SCD5: variants seen among roughly 807,000 people sequenced by gnomAD.
SCD5 encodes stearoyl-CoA desaturase 5.
In SCD5, 20 loss-of-function variants were observed where a neutral mutation model predicts 30.4. The ratio of observed to expected loss-of-function variants is 0.66; its 90% confidence interval spans 0.46 to 0.96. The LOEUF (loss-of-function observed/expected upper bound fraction) is 0.96. SCD5 is among the 40% of genes least tolerant of loss of function. The pLI is 0.00. For missense variants in SCD5, 381 were observed against 443.3 expected (o/e 0.86, Z 1.26); for synonymous variants, 173 against 176.4 (o/e 0.98, Z 0.16).
At chr4:82,714,751 T>C (rs377176437) in intron 1 of SCD5, among the ~76,000 whole-genome samples, 1 of 152,188 alleles carries the variant, frequency 6.6e-6, no homozygotes, top group East Asian at 1.9e-4. Context: ...GAAATGCTCA[T>C]TGGAGCATTT....
chr4:82,651,756 A>T (rs1001518991), intron 3 of SCD5, among the ~76,000 whole-genome samples: 1 of 152,020 alleles, frequency 6.6e-6, no homozygotes, highest in Admixed American at 6.6e-5. Context: ...TCTACAAAAA[A>T]TACAAAATCA....
At chr4:82,778,035 C>T (rs1462928010) in intron 1 of SCD5, among the ~76,000 whole-genome samples, 1 of 151,908 alleles carries the variant, frequency 6.6e-6, no homozygotes, top group Admixed American at 6.6e-5. Context: ...TATTATGCAG[C>T]CATAAAAAGG....
chr4:82,687,185 AAAAAGAAAGAAAGAAAG>A (rs1158369812), intron 2 of SCD5, among the ~76,000 whole-genome samples: 12 of 135,434 alleles, frequency 8.9e-5, no homozygotes, highest in Non-Finnish European at 9.6e-5. Flanking sequence ...AAAAAAAAAA[AAAAAGAAAGAAAGAAAG>A]AAAAGAAAGA....
Position 82,783,308 on chromosome 4 carries a change from A to T in SCD5, c.232+14998T>A, listed in dbSNP as rs2148851967. Among the ~76,000 whole-genome samples the T allele has an allele frequency of 2.0e-5, 3 of 152,330 alleles. No homozygotes were observed. The Middle Eastern group carries it at 0.01, about 518-fold the overall frequency. On this transcript the variant is annotated intron_variant, in intron 1 of 4. Coordinates refer to ENST00000319540, the MANE Select transcript of SCD5 (RefSeq NM_001037582.3). ...AAAGTTTTCCATGGACAATGTAGCCAGAATGACCTCTGCCAATACTTGATA... is the reference window on the plus strand; with the variant it reads ...AAAGTTTTCCATGGACAATGTAGCCTGAATGACCTCTGCCAATACTTGATA...
In SCD5 at chr4:82,798,502, A is replaced by C; in HGVS notation, c.36T>G (p.Pro12=). 6.2e-7 allele frequency: 1 copy of C among 1,608,940 alleles called. No homozygotes were observed. The highest frequency in any genetic ancestry group is 8.5e-7 in the Non-Finnish European group (1 of 1,178,004). The change falls in exon 1 of 5, where the codon CCT becomes CCG. Residue 12 remains proline (P), a synonymous_variant. Coordinates refer to ENST00000319540, the MANE Select transcript of SCD5 (RefSeq NM_001037582.3). ...GGATTTCTTCCTTGGCGTCGCAGAA[A>C]GGGATCTTCCCCGCGTCGGTGGCCG... ...PGPATDAGKI[P]FCDAKEEIRA...
At chr4:82,735,561 C>T (rs1442313024) in intron 1 of SCD5, among the ~76,000 whole-genome samples, 2 of 152,214 alleles carry the variant, frequency 1.3e-5, no homozygotes, top group Non-Finnish European at 2.9e-5. Context: ...CTCAAGGAGC[C>T]GCCACATTCG....
intron 1 of SCD5, among the ~76,000 whole-genome samples, chr4:82,792,619 G>A (rs1156636442): frequency 6.6e-6 from 1 of 152,194 alleles, no homozygotes; most frequent in Non-Finnish European, 1.5e-5. Flanking sequence ...TACTTGGGAG[G>A]CTGAGGTGGG....
chr4:82,730,276 T>TACATAA (rs145927310), intron 1 of SCD5, among the ~76,000 whole-genome samples: 52,029 of 146,556 alleles, frequency 0.36, 9,541 homozygotes, highest in East Asian at 0.42. Flanking sequence ...TATATATAGT[T>TACATAA]ATATATACTA....
At chr4:82,734,920 A>G (rs1208217549) in intron 1 of SCD5, among the ~76,000 whole-genome samples, 2 of 151,938 alleles carry the variant, frequency 1.3e-5, no homozygotes, top group African/African-American at 4.8e-5. Flanking sequence ...GTGTGCCACC[A>G]TGCCCAGCTA....
At chr4:82,724,316 C>T (rs551728304) in intron 1 of SCD5, among the ~76,000 whole-genome samples, 176 of 152,256 alleles carry the variant, frequency 1.2e-3, no homozygotes, top group Non-Finnish European at 2.0e-3. Flanking sequence ...TGAGAAAGTA[C>T]GGGCTAAACC....
intron 1 of SCD5, among the ~76,000 whole-genome samples, chr4:82,798,019 C>G (rs537393909): frequency 1.3e-5 from 2 of 151,620 alleles, no homozygotes; most frequent in South Asian, 2.1e-4. Flanking sequence ...GACTCCGGGT[C>G]CCCCCCGGCT....
intron 1 of SCD5, among the ~76,000 whole-genome samples, chr4:82,727,839 C>T (rs1720540149): frequency 6.6e-6 from 1 of 152,206 alleles, no homozygotes; most frequent in African/African-American, 2.4e-5. Context: ...TACCGAGTAG[C>T]TGGGATTACA....
chr4:82,697,178 TGACAG>T (rs1311593569), intron 2 of SCD5, among the ~76,000 whole-genome samples: 1 of 152,234 alleles, frequency 6.6e-6, no homozygotes, highest in Non-Finnish European at 1.5e-5. Flanking sequence ...GATTCCCAAT[TGACAG>T]GACTGCATGC....
At chr4:82,660,523 A>T in intron 3 of SCD5, 2 of 1,120,314 alleles carry the variant, frequency 1.8e-6, no homozygotes, top group Non-Finnish European at 2.2e-6. Context: ...TGTGTAGTTA[A>T]TAACACAAAT....
In SCD5 at chr4:82,680,667, G is replaced by T. The variant is rs889529519; in HGVS notation, c.569+40C>A. The T allele has an allele frequency of 2.5e-6, 4 of 1,581,868 alleles. No individual in the cohort carries two copies. The African/African-American group carries it at 5.4e-5, about 21-fold the overall frequency. ...CTCATTGTGCTGTTTCTATGTCCTG[G>T]CCCCTGAGGGACAGCTCTCCGTCAT... On this transcript the variant is annotated intron_variant, in intron 3 of 4. Coordinates refer to ENST00000319540, the MANE Select transcript of SCD5 (RefSeq NM_001037582.3).
At chr4:82,745,764 T>C (rs932784757) in intron 1 of SCD5, among the ~76,000 whole-genome samples, 2 of 152,222 alleles carry the variant, frequency 1.3e-5, no homozygotes, top group Non-Finnish European at 2.9e-5. Flanking sequence ...ATTAAAAGTA[T>C]GGAGTATGGA....
In SCD5 at chr4:82,629,971, T is replaced by G. The variant is rs1425428469; in HGVS notation, c.*1356A>C. 6.6e-6 allele frequency: 1 copy of G among 152,238 alleles called. No homozygotes were observed. The highest frequency in any genetic ancestry group is 1.5e-5 in the Non-Finnish European group (1 of 68,042). The allele number at this position is 152,238 out of a possible 1,614,324, so 9.4% of individuals were successfully genotyped here. A position where few individuals can be genotyped will look rare whatever the true frequency, so the allele number is the denominator to read the frequency against. ...TGGTTCTCAAGATCTGATGGTCTGA[T>G]GTGGAAAATTAATATGCTTATTTAG... On this transcript the variant is annotated 3_prime_UTR_variant, in exon 5 of 5. Transcript: ENST00000319540.
At chr4:82,753,629 A>G (rs551858977) in intron 1 of SCD5, among the ~76,000 whole-genome samples, 1 of 152,258 alleles carries the variant, frequency 6.6e-6, no homozygotes. Context: ...AAGTCATTTA[A>G]TTTGGCCTGG....
chr4:82,797,744 G>A (rs1722256356), intron 1 of SCD5, among the ~76,000 whole-genome samples: 1 of 152,062 alleles, frequency 6.6e-6, no homozygotes, highest in Admixed American at 6.5e-5. Context: ...GGAGAGGCAA[G>A]AGGGGAACCG....
Sources: gnomAD v4.1 joint callset for allele counts (sites outside exome capture counted in the v4.1 genomes callset) on GRCh38, gnomAD v4.1.1 for gene constraint, MANE v1.5 for transcripts, NCBI Gene and HGNC (gene_info 2026-07-23, HGNC 2026-07-21) for gene names.